ADAM7: variants seen among roughly 807,000 people sequenced by gnomAD.
The protein encoded by ADAM7 is ADAM metallopeptidase domain 7.
ADAM7 carries 97 observed loss-of-function variants against 102.9 expected under a neutral mutation model. The observed-to-expected ratio is 0.94, with a 90% CI of 0.80 to 1.12. The LOEUF is 1.12. ADAM7 is among the 50% of genes most tolerant of loss of function. The pLI is 0.00. For missense variants in ADAM7, 991 were observed against 908.7 expected, an observed-to-expected ratio of 1.09 and a Z score of -1.16; for synonymous variants, 334 against 304.4, an observed-to-expected ratio of 1.10 and a Z score of -1.01.
At chr8:24,479,423 G>C (rs573222454) in intron 8 of ADAM7, among the ~76,000 whole-genome samples, 64 of 152,094 alleles carry the variant, frequency 4.2e-4, no homozygotes, top group African/African-American at 1.4e-3. Context: ...TTTTAATTTG[G>C]GTTCTGGGGG....
At chr8:24,467,970 C>A (rs1819483938) in intron 6 of ADAM7, among the ~76,000 whole-genome samples, 1 of 152,010 alleles carries the variant, frequency 6.6e-6, no homozygotes, top group Non-Finnish European at 1.5e-5. Flanking sequence ...GAGGCTGAGG[C>A]AGAAGAATAC....
intron 4 of ADAM7, 117 bp from the exon 5 acceptor site, chr8:24,465,582 C>G (rs1819397312): frequency 3.8e-6 from 2 of 526,808 alleles, no homozygotes; most frequent in South Asian, 6.5e-5. Flanking sequence ...GAACAAATAT[C>G]AATGCAATTT....
intron 16 of ADAM7, among the ~76,000 whole-genome samples, chr8:24,497,315 T>C (rs936543578): frequency 6.6e-6 from 1 of 152,188 alleles, no homozygotes; most frequent in African/African-American, 2.4e-5. Flanking sequence ...AACGAACTAA[T>C]ACAATGTTGA....
Position 24,499,325 on chromosome 8 carries a change from T to G in ADAM7, c.1923+9T>G. On this transcript the variant is annotated intron_variant, in intron 17 of 21. Transcript: ENST00000175238. ...AGTGCAATGAAAATCCTGTAAGATA[T>G]GACTGCTTTCAAAATTAATGTCTTA... 1 of 1,586,378 alleles carries G rather than the reference T, an allele frequency of 6.3e-7. No individual in the cohort carries two copies. The highest frequency in any genetic ancestry group is 8.6e-7 in the Non-Finnish European group (1 of 1,163,804).
chr8:24,454,351 G>C (rs1295958219), intron 3 of ADAM7, among the ~76,000 whole-genome samples: 1 of 152,234 alleles, frequency 6.6e-6, no homozygotes, highest in Non-Finnish European at 1.5e-5. Flanking sequence ...GCAAGCCTGG[G>C]CAATGGCGGG....
intron 3 of ADAM7, among the ~76,000 whole-genome samples, chr8:24,456,630 GA>G (rs1262866992): frequency 2.9e-5 from 2 of 68,116 alleles, no homozygotes; most frequent in Non-Finnish European, 5.7e-5. Flanking sequence ...TCTGTCCTGG[GA>G]ATTTTTTTTT....
chr8:24,484,824 T>A (rs1257853861), intron 9 of ADAM7, among the ~76,000 whole-genome samples: 2 of 99,042 alleles, frequency 2.0e-5, no homozygotes, highest in African/African-American at 3.9e-5. Context: ...TTTTTTTTTT[T>A]AATTGAGGTG....
chr8:24,498,549 G>GTA (rs138184963), intron 16 of ADAM7, among the ~76,000 whole-genome samples: 2,363 of 148,670 alleles, frequency 0.016, 60 homozygotes, highest in African/African-American at 0.053. Flanking sequence ...AGGACTAAGA[G>GTA]TATATATATA....
chr8:24,497,497 A>C (rs544403872), intron 16 of ADAM7, among the ~76,000 whole-genome samples: 1 of 152,342 alleles, frequency 6.6e-6, no homozygotes, highest in African/African-American at 2.4e-5. Flanking sequence ...TATTACAAAA[A>C]AAATCAGTAA....
intron 3 of ADAM7, among the ~76,000 whole-genome samples, chr8:24,461,261 G>A (rs867258935): frequency 6.6e-6 from 1 of 152,018 alleles, no homozygotes; most frequent in Non-Finnish European, 1.5e-5. Context: ...CAAAGTGTTC[G>A]GATTACAGGC....
At chr8:24,448,665 T>C (rs528800628) in intron 3 of ADAM7, among the ~76,000 whole-genome samples, 6 of 151,590 alleles carry the variant, frequency 4.0e-5, no homozygotes, top group African/African-American at 1.2e-4. Context: ...TGTTTATTAT[T>C]ATTATTATTA....
chr8:24,508,554 G>C lies in ADAM7; in HGVS notation c.*8G>C. 6.2e-7 allele frequency: 1 copy of C among 1,613,556 alleles called. No individual in the cohort carries two copies. The highest frequency in any genetic ancestry group is 8.5e-7 in the Non-Finnish European group (1 of 1,179,716). On this transcript the variant is annotated 3_prime_UTR_variant, in exon 22 of 22. Coordinates refer to ENST00000175238, the MANE Select transcript of ADAM7 (RefSeq NM_003817.4). ...CATCTGTTTCTATTTAGAGCTTGAA[G>C]TTGGATATCCAAAATGGCCGTGCAA...
intron 9 of ADAM7, among the ~76,000 whole-genome samples, chr8:24,483,753 G>A (rs368811264): frequency 9.2e-5 from 14 of 152,102 alleles, no homozygotes; most frequent in African/African-American, 3.4e-4. Flanking sequence ...CTTCAGAGTG[G>A]GCAAGATTAA....
At chr8:24,477,971 T>C (rs1339768844) in intron 8 of ADAM7, among the ~76,000 whole-genome samples, 1 of 152,138 alleles carries the variant, frequency 6.6e-6, no homozygotes, top group Non-Finnish European at 1.5e-5. Flanking sequence ...AGTTTCCACC[T>C]CTCTGCTGAA....
At chr8:24,471,157 T>C (rs1819589437) in intron 7 of ADAM7, among the ~76,000 whole-genome samples, 1 of 152,060 alleles carries the variant, frequency 6.6e-6, no homozygotes, top group African/African-American at 2.4e-5. Flanking sequence ...AGAAAAAATA[T>C]TTTTGTACAG....
At position 24,487,195 on chromosome 8, in the gene ADAM7, A is replaced by G. The variant is rs1398435740; in HGVS notation, c.969A>G (p.Leu323=). Residue 323 remains leucine, a synonymous_variant, in exon 11 of 22, where the codon TTA becomes TTG. Transcript: ENST00000175238. ...YYSTSIIKDL[L]PDTNIIANRM... ...AATTGTTTTATCATCAGGATCTTTT[A>G]CCTGACACAAACATAATTGCAAACA... 6.2e-7 allele frequency: 1 copy of G among 1,613,396 alleles called. No homozygotes were observed. The highest frequency in any genetic ancestry group is 1.3e-5 in the African/African-American group (1 of 74,898).
chr8:24,489,589 T>C (rs556767895), intron 12 of ADAM7, among the ~76,000 whole-genome samples: 8 of 152,278 alleles, frequency 5.3e-5, no homozygotes, highest in African/African-American at 1.4e-4. Flanking sequence ...TAATATATAA[T>C]TGGTTCTGCT....
At chr8:24,491,749 G>A in intron 13 of ADAM7, 154 bp from the exon 14 acceptor site, 1 of 577,328 alleles carries the variant, frequency 1.7e-6, no homozygotes, top group Admixed American at 3.5e-5. Context: ...CCAACACATT[G>A]ACAAATGACA....
At chr8:24,456,927 T>C (rs1179474756) in intron 3 of ADAM7, among the ~76,000 whole-genome samples, 3 of 152,184 alleles carry the variant, frequency 2.0e-5, no homozygotes, top group Non-Finnish European at 1.5e-5. Context: ...ATGTACAGCC[T>C]TTTTATAAAC....
Sources: allele counts gnomAD v4.1 joint callset (sites outside exome capture counted in the v4.1 genomes callset), GRCh38; gene constraint gnomAD v4.1.1; transcripts MANE v1.5; gene names NCBI Gene and HGNC (gene_info 2026-07-23, HGNC 2026-07-21).